The following TRPM7 variants were observed in gnomAD, a reference collection of about 807,000 sequenced individuals.
TRPM7 encodes the protein LTRPC ion channel family member 7.
Under a neutral mutation model 229.7 loss-of-function variants are expected in TRPM7, and 134 were observed. That is an observed-to-expected ratio of 0.58 (90% CI 0.51 to 0.67). TRPM7 has a LOEUF of 0.67. Among genes scored for constraint, TRPM7 ranks in the 30% least tolerant of loss-of-function variants. The pLI is 0.00. For missense variants in TRPM7, 1,901 were observed against 2,210.0 expected (o/e 0.86, Z 2.80); for synonymous variants, 699 against 715.2 (o/e 0.98, Z 0.36).
At chr15:50,662,003 A>C (rs1438220127) in intron 2 of TRPM7, among the ~76,000 whole-genome samples, 1 of 152,004 alleles carries the variant, frequency 6.6e-6, no homozygotes, top group African/African-American at 2.4e-5. Context: ...AGATGACCTC[A>C]GGTCAGGGGT....
chr15:50,593,757 A>G lies in TRPM7; in HGVS notation c.3476-8T>C. 6.3e-7 allele frequency: 1 copy of G among 1,595,932 alleles called. No homozygotes were observed. The highest frequency in any genetic ancestry group is 1.7e-4 in the Middle Eastern group (1 of 5,956). ...CTTCTGTTAAGAAAAGTTCTATGGG[A>G]GGAAAAGGAGAAGAAAATCAAGGAA... On this transcript the variant is annotated splice_polypyrimidine_tract_variant and splice_region_variant and intron_variant, in intron 24 of 38. Coordinates refer to ENST00000646667, the MANE Select transcript of TRPM7 (RefSeq NM_017672.6).
At chr15:50,669,295 C>A (rs529571303) in intron 1 of TRPM7, among the ~76,000 whole-genome samples, 1 of 151,944 alleles carries the variant, frequency 6.6e-6, no homozygotes, top group Non-Finnish European at 1.5e-5. Context: ...ATTAGCCAGG[C>A]GTGGTGGTGT....
rs1382750781 is a variant in TRPM7 at position 50,560,324 on chromosome 15, TA to T, written c.*1353del. ...AACAATAAATTTATTTCATTTCTTT[TA>T]AAGATTTAATGATATACAAAACGTA... On this transcript the variant is annotated 3_prime_UTR_variant, in exon 39 of 39. Transcript: ENST00000646667. The T allele has an allele frequency of 6.6e-6, 1 of 152,606 alleles. No homozygotes were observed. The highest frequency in any genetic ancestry group is 2.4e-5 in the African/African-American group (1 of 41,450). The allele number at this position is 152,606 out of a possible 1,614,324, so 9.5% of individuals were successfully genotyped here.
At chr15:50,586,672 AAC>A in intron 27 of TRPM7, 184 bp from the exon 28 acceptor site, 1 of 465,530 alleles carries the variant, frequency 2.1e-6, no homozygotes, top group Non-Finnish European at 3.8e-6. Context: ...GCTGCACCAA[AAC>A]ACCTTATTTT....
chr15:50,677,078 A>T (rs1287170059), intron 1 of TRPM7, among the ~76,000 whole-genome samples: 2 of 152,300 alleles, frequency 1.3e-5, no homozygotes, highest in East Asian at 3.9e-4. Flanking sequence ...ACTTGGTGGG[A>T]TAACAACTGA....
intron 11 of TRPM7, 55 bp downstream of exon 11, chr15:50,628,092 ACT>A: frequency 8.0e-7 from 1 of 1,255,768 alleles, no homozygotes; most frequent in Non-Finnish European, 1.1e-6. Flanking sequence ...TCCCGCAAAT[ACT>A]TTTTTATTAC....
chr15:50,631,481 A>G lies in TRPM7; in HGVS notation c.1140T>C (p.Val380=). The change falls in exon 10 of 39, where the codon GTT becomes GTC. Residue 380 remains valine (V), a synonymous_variant. Coordinates refer to ENST00000646667, the MANE Select transcript of TRPM7 (RefSeq NM_017672.6). ...ECMKRKELIT[V]FHIGSDEHQD... ...GATGTTCATCTGACCCAATATGGAA[A>G]ACAGTGATCTATTTAAAGATAAATT... 6.3e-7 allele frequency: 1 copy of G among 1,597,458 alleles called. No homozygotes were observed. The highest frequency in any genetic ancestry group is 8.6e-7 in the Non-Finnish European group (1 of 1,165,582).
chr15:50,652,550 T>A (rs1307295409), intron 3 of TRPM7, among the ~76,000 whole-genome samples: 1 of 148,320 alleles, frequency 6.7e-6, no homozygotes, highest in East Asian at 2.0e-4. Context: ...AAATCATTAA[T>A]ACACCTTTCC....
intron 4 of TRPM7, among the ~76,000 whole-genome samples, chr15:50,645,192 A>G (rs1488357564): frequency 1.3e-5 from 2 of 151,496 alleles, no homozygotes; most frequent in East Asian, 3.9e-4. Flanking sequence ...GACACACGGC[A>G]CCCAGCATGG....
chr15:50,594,318 A>T, intron 24 of TRPM7, 111 bp downstream of exon 24: 1 of 1,002,908 alleles, frequency 1.0e-6, no homozygotes, highest in Non-Finnish European at 1.5e-6. Flanking sequence ...ACAAAAATCT[A>T]CCATAACATT....
At chr15:50,642,110 T>A (rs1406908020) in intron 5 of TRPM7, among the ~76,000 whole-genome samples, 1 of 152,170 alleles carries the variant, frequency 6.6e-6, no homozygotes, top group South Asian at 2.1e-4. Context: ...AACCTGTATA[T>A]GTGATAGGGA....
rs1395413504 is a variant in TRPM7 at position 50,611,204 on chromosome 15, C to T, written c.2169G>A (p.Lys723=). 1.9e-6 allele frequency: 3 copies of T among 1,613,846 alleles called. No individual in the cohort carries two copies. The highest frequency in any genetic ancestry group is 1.7e-5 in the Admixed American group (1 of 59,984). ...GTCTAAGTCTTGAAGAAACTGCTAACTTAAGGCAGGTTGAATTACTCCAGT... is the reference window on the plus strand; with the variant it reads ...GTCTAAGTCTTGAAGAAACTGCTAATTTAAGGCAGGTTGAATTACTCCAGT... The part of the protein sequence containing the change: ...LKNWSNSTCL[K]LAVSSRLRPF... The change falls in exon 17 of 39, where the codon AAG becomes AAA. Residue 723 remains lysine (K), a synonymous_variant. Coordinates refer to ENST00000646667, the MANE Select transcript of TRPM7 (RefSeq NM_017672.6).
At chr15:50,666,041 C>T (rs1233303633) in intron 1 of TRPM7, among the ~76,000 whole-genome samples, 1 of 151,290 alleles carries the variant, frequency 6.6e-6, no homozygotes, top group East Asian at 1.9e-4. Context: ...AGCTAACTCT[C>T]GGACTTTAAA....
intron 29 of TRPM7, 37 bp from the exon 30 acceptor site, chr15:50,580,945 TAA>T (rs2054375275): frequency 7.7e-6 from 12 of 1,558,822 alleles, no homozygotes; most frequent in Non-Finnish European, 8.6e-6. Context: ...ACAAAAACCT[TAA>T]AGACAAAAAT....
chr15:50,562,425 G>A (rs1401014418), intron 38 of TRPM7, among the ~76,000 whole-genome samples: 1 of 151,982 alleles, frequency 6.6e-6, no homozygotes, highest in African/African-American at 2.4e-5. Flanking sequence ...ATATTCTAGT[G>A]GGTGACAAAA....
Position 50,655,491 on chromosome 15 carries a change from G to A in TRPM7, c.122+2290C>T, listed in dbSNP as rs529033745. ...TCTCAATCAGGTAAAAAATTTGAAC[G>A]TGCAAATATTTACGCAAGCAGAATA... On this transcript the variant is annotated intron_variant, in intron 3 of 38. Transcript: ENST00000646667. Among the ~76,000 whole-genome samples, 59 of 148,840 alleles carry A rather than the reference G, an allele frequency of 4.0e-4. 1 individual carries two copies. The South Asian group carries it at 0.012, about 29-fold the overall frequency.
At chr15:50,628,093 C>CT (rs545625962) in intron 11 of TRPM7, 56 bp downstream of exon 11, 4 of 1,290,752 alleles carry the variant, frequency 3.1e-6, no homozygotes, top group Admixed American at 2.0e-5. Context: ...CCCGCAAATA[C>CT]TTTTTTATTA....
intron 13 of TRPM7, among the ~76,000 whole-genome samples, chr15:50,614,972 C>T (rs2060178956): frequency 6.6e-6 from 1 of 151,782 alleles, no homozygotes; most frequent in South Asian, 2.1e-4. Context: ...GAGTTCGAGA[C>T]CAGCCTGGCC....
At chr15:50,581,822 T>C (rs1208431586) in intron 29 of TRPM7, among the ~76,000 whole-genome samples, 1 of 152,210 alleles carries the variant, frequency 6.6e-6, no homozygotes, top group Admixed American at 6.5e-5. Context: ...CAGTTAGATA[T>C]GTCTTCCATG....
Sources: gnomAD v4.1 joint callset for allele counts (sites outside exome capture counted in the v4.1 genomes callset) on GRCh38, gnomAD v4.1.1 for gene constraint, MANE v1.5 for transcripts, NCBI Gene and HGNC (gene_info 2026-07-23, HGNC 2026-07-21) for gene names.